ADGRV1: variants seen among roughly 807,000 people sequenced by gnomAD.
ADGRV1 encodes adhesion G protein-coupled receptor V1.
ADGRV1 carries 359 observed loss-of-function variants against 596.2 expected under a neutral mutation model. That is an observed-to-expected ratio of 0.60 (90% CI 0.55 to 0.66). ADGRV1 has a LOEUF of 0.66. Ranked by LOEUF, ADGRV1 falls within the 30% of genes least tolerant of loss-of-function variation. ADGRV1 has a pLI of 0.00. For synonymous variants in ADGRV1, 2,681 were observed against 2,679.2 expected (o/e 1.00, Z -0.02); for missense variants, 7,274 against 7,575.6 (o/e 0.96, Z 1.48).
At position 90,937,525 on chromosome 5, in the gene ADGRV1, G is replaced by T. The variant is rs547786460; in HGVS notation, c.17857-27890G>T. Among the ~76,000 whole-genome samples the T allele has an allele frequency of 2.7e-4, 40 of 148,468 alleles. 1 individual carries two copies. Among genetic ancestry groups the T allele is most frequent in the South Asian group, 1.3e-3 (6 of 4,700 alleles). On this transcript the variant is annotated intron_variant, in intron 83 of 89. Coordinates refer to ENST00000405460, the MANE Select transcript of ADGRV1 (RefSeq NM_032119.4). ...CAGGCTGGAGTGCAGTGGCGTGATC[G>T]CGGCTCACTGCAAGCTCCGCCTCCC...
At chr5:90,659,014 A>G (rs1253090449) in intron 21 of ADGRV1, among the ~76,000 whole-genome samples, 2 of 152,186 alleles carry the variant, frequency 1.3e-5, no homozygotes, top group Non-Finnish European at 2.9e-5. Context: ...ATGATTTTTT[A>G]AAAATGGATG....
rs1760013912 is a variant in ADGRV1, at chr5:90,791,038, G to A, written c.14209G>A (p.Val4737Ile). The change falls in exon 70 of 90, where the codon GTA becomes ATA. Residue 4737 changes from valine (V) to isoleucine (I), a missense_variant. By Grantham distance (29) the Val-to-Ile change is conservative. This residue lies in a region of ADGRV1 where 1,874 missense variants were observed against 1,970.2 expected (regional missense o/e 0.95). Transcript: ENST00000405460. ...AGATTATGTGATCCAGCTTGTTTCT[G>A]TAGAGGGAGGAGCCGAACTGGATCT... Reference protein sequence around the residue: ...EEDYVIQLVSVEGGAELDLEK... With the variant: ...EEDYVIQLVSIEGGAELDLEK... 1 of 1,613,934 alleles carries A rather than the reference G, an allele frequency of 6.2e-7. No homozygotes were observed. The highest frequency in any genetic ancestry group is 8.5e-7 in the Non-Finnish European group (1 of 1,179,866).
intron 83 of ADGRV1, among the ~76,000 whole-genome samples, chr5:90,937,614 C>A (rs1341152076): frequency 2.0e-5 from 3 of 152,086 alleles, no homozygotes; most frequent in Non-Finnish European, 2.9e-5. Context: ...CCCACCACCA[C>A]GCCCAGCTAA....
chr5:90,952,980 T>C (rs1030050627), intron 83 of ADGRV1, among the ~76,000 whole-genome samples: 1 of 152,164 alleles, frequency 6.6e-6, no homozygotes, highest in Non-Finnish European at 1.5e-5. Context: ...GTTTAGTGAT[T>C]ATTCATTGAA....
At chr5:90,906,101 T>G (rs1382223241) in intron 83 of ADGRV1, among the ~76,000 whole-genome samples, 1 of 152,114 alleles carries the variant, frequency 6.6e-6, no homozygotes, top group Non-Finnish European at 1.5e-5. Context: ...ATGAATAATG[T>G]TTTTAATGTA....
chr5:90,667,460 A>G (rs1771638044), intron 21 of ADGRV1, among the ~76,000 whole-genome samples: 1 of 147,540 alleles, frequency 6.8e-6, no homozygotes, highest in Non-Finnish European at 1.5e-5. Context: ...TTTCAGCTCC[A>G]TCAGCTCCTT....
intron 45 of ADGRV1, among the ~76,000 whole-genome samples, chr5:90,721,553 A>AAATAG (rs1188227182): frequency 0.011 from 239 of 21,974 alleles, 11 homozygotes; most frequent in Admixed American, 0.035. Context: ...AAATAAAATA[A>AAATAG]AATAAAATAA....
At chr5:90,919,994 CAAAA>C (rs59122926) in intron 83 of ADGRV1, among the ~76,000 whole-genome samples, 1 of 80,080 alleles carries the variant, frequency 1.2e-5, no homozygotes, top group Admixed American at 1.5e-4. Flanking sequence ...AACTCCATCT[CAAAA>C]AAAAAAAAAA....
At chr5:90,811,606 TAAC>T (rs887140512) in intron 74 of ADGRV1, among the ~76,000 whole-genome samples, 23 of 152,144 alleles carry the variant, frequency 1.5e-4, no homozygotes, top group Non-Finnish European at 3.4e-4. Flanking sequence ...ACAATATAAA[TAAC>T]GTTTAATTTA....
rs371091564 is a variant in ADGRV1, at chr5:90,855,759, G to A, written c.17613G>A (p.Gln5871=). The change falls in exon 82 of 90, where the codon CAG becomes CAA. Residue 5871 remains glutamine, a synonymous_variant. Coordinates refer to ENST00000405460, the MANE Select transcript of ADGRV1 (RefSeq NM_032119.4). ...GCCCTAGCTGGTTGTCTGACAGTCA[G>A]TTTTGCAAAGTGGTTGAGGAAACTG... ...QAAASWLSDS[Q]FCKVVEETAD... The A allele has an allele frequency of 3.5e-5, 55 of 1,588,020 alleles. No homozygotes were observed. In the African/African-American group the frequency reaches 5.7e-4, roughly 16 times the overall value.
chr5:90,729,098 A>G (rs1308044324), intron 49 of ADGRV1, among the ~76,000 whole-genome samples, 165 bp downstream of exon 49: 1 of 152,222 alleles, frequency 6.6e-6, no homozygotes, highest in African/African-American at 2.4e-5. Context: ...ATTTTTGAGA[A>G]ATATTTAAGC....
intron 32 of ADGRV1, among the ~76,000 whole-genome samples, chr5:90,693,143 T>A (rs1320551433): frequency 6.6e-6 from 1 of 151,134 alleles, no homozygotes; most frequent in Middle Eastern, 3.2e-3. Flanking sequence ...GTCTGTTTTT[T>A]TTTTCTTTTT....
intron 83 of ADGRV1, among the ~76,000 whole-genome samples, chr5:90,923,877 A>G (rs7710622): frequency 0.74 from 110,954 of 150,718 alleles, 41,156 homozygotes; most frequent in East Asian, 1. Context: ...GAGAATATGC[A>G]GTGTTTGGTT....
chr5:90,690,575 T>G (rs1478114876), intron 30 of ADGRV1, among the ~76,000 whole-genome samples: 1 of 152,176 alleles, frequency 6.6e-6, no homozygotes, highest in Non-Finnish European at 1.5e-5. Flanking sequence ...ACTTGAGCCC[T>G]ATGGGCTTTG....
rs114413097 is a variant in ADGRV1 at position 91,070,357 on chromosome 5, G to T, written c.18153-2090G>T. Among the ~76,000 whole-genome samples the T allele has an allele frequency of 6.6e-3, 1,011 of 152,252 alleles. 9 individuals carry two copies. The highest frequency in any genetic ancestry group is 0.021 in the African/African-American group (878 of 41,548). On this transcript the variant is annotated intron_variant, in intron 85 of 89. Coordinates refer to ENST00000405460, the MANE Select transcript of ADGRV1 (RefSeq NM_032119.4). ...TATATTTTGGATTCCTTCTAAACAG[G>T]CTATGCGTGATTCCCCCTGAGTTGT...
chr5:90,976,012 T>C (rs1372765683), intron 84 of ADGRV1, among the ~76,000 whole-genome samples: 5 of 151,984 alleles, frequency 3.3e-5, no homozygotes, highest in Non-Finnish European at 7.4e-5. Context: ...ATACTAATGG[T>C]ACAAAACATA....
At chr5:90,637,336 T>C (rs1279743899) in intron 10 of ADGRV1, among the ~76,000 whole-genome samples, 2 of 152,192 alleles carry the variant, frequency 1.3e-5, no homozygotes, top group Admixed American at 1.3e-4. Flanking sequence ...TTTTTCAGTT[T>C]ATATTGTGAT....
intron 1 of ADGRV1, among the ~76,000 whole-genome samples, chr5:90,602,844 G>A (rs1434833429): frequency 1.3e-5 from 2 of 152,256 alleles, no homozygotes; most frequent in South Asian, 4.1e-4. Context: ...CTCAGCAGAA[G>A]CTGGGTGGTT....
rs1342095863 is a variant in ADGRV1 at position 90,807,643 on chromosome 5, T to C, written c.14878T>C (p.Phe4960Leu). The C allele has an allele frequency of 1.1e-5, 18 of 1,613,204 alleles. No homozygotes were observed. The highest frequency in any genetic ancestry group is 1.4e-5 in the Non-Finnish European group (17 of 1,179,346). Residue 4960 changes from phenylalanine to leucine, a missense_variant, in exon 73 of 90, where the codon TTC (phenylalanine) becomes CTC (leucine). Around this residue, in one of 5 missense-constraint regions of ADGRV1, gnomAD observed 1,874 missense variants for 1,970.2 expected, o/e 0.95. Transcript: ENST00000405460. ...CCACGGTGAACAAAGGAAAGGAGTTTTCCTGTGGACGTTTCCTAGCCCTGG... is the reference window on the plus strand; with the variant it reads ...CCACGGTGAACAAAGGAAAGGAGTTCTCCTGTGGACGTTTCCTAGCCCTGG... ...FSHGEQRKGV[F>L]LWTFPSPGWP...
Sources: allele counts gnomAD v4.1 joint callset (sites outside exome capture counted in the v4.1 genomes callset), GRCh38; gene constraint gnomAD v4.1.1; regional missense constraint gnomAD v4.1.1; transcripts MANE v1.5; gene names NCBI Gene and HGNC (gene_info 2026-07-23, HGNC 2026-07-21).